Variants in DOCK5 observed in about 807,000 individuals in gnomAD.
DOCK5 encodes dedicator of cytokinesis protein 5.
A neutral mutation model predicts 251.8 loss-of-function variants in DOCK5; 142 were observed. The ratio of observed to expected loss-of-function variants is 0.56; its 90% CI spans 0.49 to 0.65. The LOEUF is 0.65. DOCK5 is among the 30% of genes least tolerant of loss of function. The pLI is 0.00. For synonymous variants in DOCK5, 842 were observed against 835.5 expected (o/e 1.01, Z -0.13); for missense variants, 2,111 against 2,312.3 (o/e 0.91, Z 1.79).
rs143347118 is a variant in DOCK5, at chr8:25,202,425, A to G, written c.43+17474A>G. Among the ~76,000 whole-genome samples the G allele has an allele frequency of 2.7e-3, 414 of 152,292 alleles. 4 individuals are homozygous for G. The highest frequency in any genetic ancestry group is 9.6e-3 in the African/African-American group (398 of 41,556). On this transcript the variant is annotated intron_variant, in intron 1 of 51. Transcript: ENST00000276440. The stretch of plus-strand genomic sequence containing the variant: ...CACTCACTGGCTTAGAACAGCCTGG[A>G]ATCCTAAGAGGAATGGATGAATGAA...
At chr8:25,325,593 C>T (rs1419158591) in intron 18 of DOCK5, 46 bp downstream of exon 18, 1 of 1,596,160 alleles carries the variant, frequency 6.3e-7, no homozygotes, top group Admixed American at 1.7e-5. Context: ...CTTGCTCAGC[C>T]TTTCTGGGCT....
chr8:25,358,533 C>T (rs1800618396), intron 27 of DOCK5, among the ~76,000 whole-genome samples: 1 of 152,154 alleles, frequency 6.6e-6, no homozygotes, highest in Non-Finnish European at 1.5e-5. Context: ...CCCTCCTCTC[C>T]TTCATGCTCA....
At chr8:25,204,845 C>T (rs1284924673) in intron 1 of DOCK5, among the ~76,000 whole-genome samples, 1 of 152,122 alleles carries the variant, frequency 6.6e-6, no homozygotes, top group Non-Finnish European at 1.5e-5. Flanking sequence ...TCTCAGTCGT[C>T]TTTCCCAAAG....
intron 48 of DOCK5, among the ~76,000 whole-genome samples, chr8:25,405,881 T>G (rs1285901131): frequency 1.3e-5 from 2 of 152,212 alleles, no homozygotes; most frequent in African/African-American, 4.8e-5. Flanking sequence ...AAACAATGCT[T>G]TATTACTTCA....
At chr8:25,238,562 G>A (rs1782853036) in intron 1 of DOCK5, among the ~76,000 whole-genome samples, 2 of 152,164 alleles carry the variant, frequency 1.3e-5, no homozygotes, top group South Asian at 4.1e-4. Flanking sequence ...CCAGTGAAAG[G>A]CATTCTTGAA....
chr8:25,290,438 G>A (rs1804456365), intron 5 of DOCK5, among the ~76,000 whole-genome samples: 1 of 152,186 alleles, frequency 6.6e-6, no homozygotes, highest in Non-Finnish European at 1.5e-5. Flanking sequence ...GTTTGTGATG[G>A]CTTAGGTGTC....
chr8:25,392,906 TA>T, intron 44 of DOCK5, 24 bp downstream of exon 44: 1 of 1,576,938 alleles, frequency 6.3e-7, no homozygotes, highest in Non-Finnish European at 8.7e-7. Flanking sequence ...AATTGGCATT[TA>T]GAAAAAAACT....
chr8:25,398,474 G>A (rs909655692), intron 45 of DOCK5, among the ~76,000 whole-genome samples: 6 of 152,114 alleles, frequency 3.9e-5, no homozygotes, highest in Non-Finnish European at 8.8e-5. Flanking sequence ...TCTCCAAACT[G>A]GGTGGCTTAA....
intron 1 of DOCK5, among the ~76,000 whole-genome samples, chr8:25,188,785 G>A (rs1237398489): frequency 6.6e-6 from 1 of 152,066 alleles, no homozygotes; most frequent in Non-Finnish European, 1.5e-5. Flanking sequence ...TTCTTCCCTG[G>A]AGACGTGGAA....
At chr8:25,303,631 T>C (rs1423415731) in intron 10 of DOCK5, among the ~76,000 whole-genome samples, 3 of 152,186 alleles carry the variant, frequency 2.0e-5, no homozygotes, top group Non-Finnish European at 4.4e-5. Context: ...GGTTCCATAC[T>C]TACTAAAAAG....
chr8:25,293,164 G>T (rs921889459), intron 6 of DOCK5, among the ~76,000 whole-genome samples: 1 of 152,140 alleles, frequency 6.6e-6, no homozygotes, highest in South Asian at 2.1e-4. Flanking sequence ...GCTGTTATTG[G>T]TGATTCTTTT....
At chr8:25,305,702 C>G (rs1804899898) in intron 11 of DOCK5, among the ~76,000 whole-genome samples, 2 of 152,108 alleles carry the variant, frequency 1.3e-5, no homozygotes, top group Non-Finnish European at 2.9e-5. Flanking sequence ...GAGTGAAATG[C>G]AAATCGAAAC....
intron 1 of DOCK5, among the ~76,000 whole-genome samples, chr8:25,234,137 G>T (rs752688716): frequency 3.3e-5 from 5 of 152,156 alleles, no homozygotes; most frequent in Non-Finnish European, 5.9e-5. Context: ...GCCTGGTTGG[G>T]GATCATTGCT....
chr8:25,411,268 C>T lies in DOCK5; in HGVS notation c.5583C>T (p.Gly1861=). 5.1e-6 allele frequency: 8 copies of T among 1,577,598 alleles called. No homozygotes were observed. Among genetic ancestry groups the T allele is most frequent in the Non-Finnish European group, 6.9e-6 (8 of 1,164,496 alleles). ...CACCTCCAAAGGCTCGGAAGTCTGGCATCCCTACTTCCGAGCCTGGATCCC... is the reference window on the plus strand; with the variant it reads ...CACCTCCAAAGGCTCGGAAGTCTGGTATCCCTACTTCCGAGCCTGGATCCC... ...PPPPPKARKS[G]IPTSEPGSQ is the part of the protein sequence containing the mutation. The change falls in exon 52 of 52, where the codon GGC becomes GGT. Residue 1861 remains glycine (G), a synonymous_variant. Coordinates refer to ENST00000276440, the MANE Select transcript of DOCK5 (RefSeq NM_024940.8).
At chr8:25,246,284 T>C (rs1803105235) in intron 2 of DOCK5, among the ~76,000 whole-genome samples, 1 of 152,134 alleles carries the variant, frequency 6.6e-6, no homozygotes, top group South Asian at 2.1e-4. Flanking sequence ...TTGTTTTTTG[T>C]ATTTTTTGGA....
intron 11 of DOCK5, chr8:25,305,166 C>T (rs1490511633): frequency 1.3e-5 from 2 of 152,130 alleles, no homozygotes; most frequent in Non-Finnish European, 2.9e-5. Flanking sequence ...AGCTCACTTG[C>T]AGCTGCCACT....
At chr8:25,384,315 C>T (rs950073873) in intron 40 of DOCK5, among the ~76,000 whole-genome samples, 1 of 152,096 alleles carries the variant, frequency 6.6e-6, no homozygotes, top group Admixed American at 6.6e-5. Context: ...TTTTTGGTGG[C>T]AGTGAAACTG....
chr8:25,209,195 C>G (rs1802074556), intron 1 of DOCK5, among the ~76,000 whole-genome samples: 3 of 18,668 alleles, frequency 1.6e-4, no homozygotes, highest in Non-Finnish European at 1.3e-3. Context: ...TCATCCCTGT[C>G]TGATGTTCTC....
intron 49 of DOCK5, among the ~76,000 whole-genome samples, chr8:25,408,589 A>G (rs1323146520): frequency 6.6e-6 from 1 of 152,224 alleles, no homozygotes; most frequent in Non-Finnish European, 1.5e-5. Flanking sequence ...GATCAGAAGA[A>G]TCAAGTCTGT....
Sources: gnomAD v4.1 joint callset for allele counts (sites outside exome capture counted in the v4.1 genomes callset) on GRCh38, gnomAD v4.1.1 for gene constraint, MANE v1.5 for transcripts, NCBI Gene and HGNC (gene_info 2026-07-23, HGNC 2026-07-21) for gene names.